ADAM2: variants seen among roughly 807,000 people sequenced by gnomAD.
ADAM2 encodes the protein ADAM metallopeptidase domain 2.
A neutral mutation model predicts 99.3 loss-of-function variants in ADAM2; 101 were observed. That is an observed-to-expected ratio of 1.02 (90% CI 0.87 to 1.20). The LOEUF (loss-of-function observed/expected upper bound fraction) is 1.20, where lower values mean the gene tolerates loss of function less well. Among genes scored for constraint, ADAM2 ranks in the 50% most tolerant of loss-of-function variants. The pLI is 0.00. For missense variants in ADAM2, 948 were observed against 878.7 expected (o/e 1.08, Z -1.00); for synonymous variants, 323 against 287.6 (o/e 1.12, Z -1.25).
chr8:39,776,966 TA>T, intron 11 of ADAM2, 58 bp downstream of exon 11: 1 of 1,097,216 alleles, frequency 9.1e-7, no homozygotes, highest in Non-Finnish European at 1.3e-6. Context: ...TTTCTTCAAC[TA>T]AATACATTAA....
chr8:39,791,668 C>A (rs971216327), intron 7 of ADAM2, among the ~76,000 whole-genome samples: 1 of 151,994 alleles, frequency 6.6e-6, no homozygotes, highest in Admixed American at 6.6e-5. Flanking sequence ...GTTCAAGGTC[C>A]TTTTGTGTTG....
intron 10 of ADAM2, among the ~76,000 whole-genome samples, chr8:39,785,567 G>A (rs370902033): frequency 9.2e-5 from 14 of 152,228 alleles, no homozygotes; most frequent in South Asian, 8.3e-4. Context: ...AGACCAAGGC[G>A]GGGGGATCAC....
At chr8:39,760,504 G>A (rs1802308742) in intron 15 of ADAM2, among the ~76,000 whole-genome samples, 2 of 152,000 alleles carry the variant, frequency 1.3e-5, no homozygotes, top group African/African-American at 2.4e-5. Context: ...GGTGGATCAC[G>A]AGGTCAGGAG....
At chr8:39,785,830 A>C (rs1391333760) in intron 10 of ADAM2, among the ~76,000 whole-genome samples, 1 of 151,950 alleles carries the variant, frequency 6.6e-6, no homozygotes, top group African/African-American at 2.4e-5. Flanking sequence ...CAGAAAGAAA[A>C]TAAATCATTC....
chr8:39,827,408 A>G (rs1805453700), intron 3 of ADAM2, among the ~76,000 whole-genome samples: 1 of 152,166 alleles, frequency 6.6e-6, no homozygotes, highest in Admixed American at 6.5e-5. Context: ...AAATAAAATT[A>G]GTATGTTGAA....
intron 3 of ADAM2, among the ~76,000 whole-genome samples, chr8:39,826,956 G>A (rs1478421642): frequency 6.6e-6 from 1 of 151,584 alleles, no homozygotes; most frequent in African/African-American, 2.4e-5. Flanking sequence ...CCACCACAAA[G>A]AGACAACCTA....
intron 10 of ADAM2, among the ~76,000 whole-genome samples, chr8:39,780,585 G>A (rs1430663579): frequency 6.6e-6 from 1 of 152,070 alleles, no homozygotes; most frequent in Non-Finnish European, 1.5e-5. Flanking sequence ...GAATATCATT[G>A]AAAGAACACT....
intron 7 of ADAM2, among the ~76,000 whole-genome samples, chr8:39,791,822 T>TA (rs1335694368): frequency 1.3e-4 from 20 of 151,738 alleles, no homozygotes; most frequent in Non-Finnish European, 2.4e-4. Flanking sequence ...TATGCAAAGG[T>TA]AAAAAAAATC....
chr8:39,827,379 C>T (rs758920141), intron 3 of ADAM2, among the ~76,000 whole-genome samples: 5 of 152,250 alleles, frequency 3.3e-5, no homozygotes, highest in Non-Finnish European at 7.4e-5. Flanking sequence ...CGTCCCTTTA[C>T]TGGGCATATA....
In ADAM2 at chr8:39,746,504, T is replaced by C. The variant is rs1586036966; in HGVS notation, c.2142A>G (p.Lys714=). ...AIMVKVNFQR[K]KWRTEDYSSD... ...TTGAATAGTCCTCAGTTCTCCATTT[T>C]TTCCTTTGGAAATTAACTTTCACCA... The change falls in exon 19 of 21, where the codon AAA becomes AAG. Residue 714 remains lysine (K), a synonymous_variant. Transcript: ENST00000265708. 6.3e-7 allele frequency: 1 copy of C among 1,596,520 alleles called. No homozygotes were observed. Among genetic ancestry groups the C allele is most frequent in the East Asian group, 2.3e-5 (1 of 44,234 alleles).
rs542792846 is a variant in ADAM2, at chr8:39,746,714, A to G, written c.2015-83T>C. 1.1e-4 allele frequency: 118 copies of G among 1,079,746 alleles called. No individual in the cohort carries two copies. The African/African-American group carries it at 1.2e-3, about 11-fold the overall frequency. 66.9% of individuals were successfully genotyped at this position (1,079,746 alleles called of 1,614,324 possible). On this transcript the variant is annotated intron_variant, in intron 18 of 20. Transcript: ENST00000265708. Reference sequence around the variant, plus strand: ...TTTCTGTATTTTACTACGTCTACCAAAATAAAATCTTTGAACAATTTAATA... The same window carrying G: ...TTTCTGTATTTTACTACGTCTACCAGAATAAAATCTTTGAACAATTTAATA...
chr8:39,807,888 A>T (rs1804503932), intron 7 of ADAM2, among the ~76,000 whole-genome samples: 1 of 152,246 alleles, frequency 6.6e-6, no homozygotes. Context: ...TCATCTGAAC[A>T]GAAACAGAAT....
intron 6 of ADAM2, among the ~76,000 whole-genome samples, chr8:39,813,931 A>G (rs1586144371): frequency 6.6e-6 from 1 of 151,850 alleles, no homozygotes; most frequent in African/African-American, 2.4e-5. Context: ...AAATAAATAA[A>G]TAAAATAAAT....
chr8:39,788,798 G>A, intron 7 of ADAM2, 58 bp from the exon 8 acceptor site: 2 of 907,820 alleles, frequency 2.2e-6, no homozygotes, highest in South Asian at 2.6e-5. Context: ...TTTAATGATT[G>A]TTATTGTTTC....
chr8:39,766,575 T>C (rs921134147), intron 14 of ADAM2, among the ~76,000 whole-genome samples: 1 of 151,946 alleles, frequency 6.6e-6, no homozygotes, highest in African/African-American at 2.4e-5. Flanking sequence ...TTGCGGCTAA[T>C]TTTTGTATTT....
intron 7 of ADAM2, among the ~76,000 whole-genome samples, chr8:39,791,798 T>G (rs1282629172): frequency 6.6e-6 from 1 of 152,062 alleles, no homozygotes; most frequent in Non-Finnish European, 1.5e-5. Flanking sequence ...CTCTCCTCCT[T>G]GTTTCTTATC....
chr8:39,786,108 G>T (rs1334766177), intron 10 of ADAM2, among the ~76,000 whole-genome samples: 1 of 152,050 alleles, frequency 6.6e-6, no homozygotes, highest in Non-Finnish European at 1.5e-5. Context: ...CTAAACATTG[G>T]GTCCACTTAG....
intron 18 of ADAM2, among the ~76,000 whole-genome samples, chr8:39,747,097 A>G (rs1823501303): frequency 6.6e-6 from 1 of 152,188 alleles, no homozygotes; most frequent in Admixed American, 6.6e-5. Context: ...GTGGTGACCT[A>G]AAAAATCATA....
At chr8:39,814,506 A>G (rs1472436763) in intron 6 of ADAM2, among the ~76,000 whole-genome samples, 1 of 152,210 alleles carries the variant, frequency 6.6e-6, no homozygotes, top group African/African-American at 2.4e-5. Flanking sequence ...AGACTAAGGA[A>G]TTGGATCTAG....
Sources: gnomAD v4.1 joint callset for allele counts (sites outside exome capture counted in the v4.1 genomes callset) on GRCh38, gnomAD v4.1.1 for gene constraint, MANE v1.5 for transcripts, NCBI Gene and HGNC (gene_info 2026-07-23, HGNC 2026-07-21) for gene names.